MRPL1: variants seen among roughly 807,000 people sequenced by gnomAD.
MRPL1 encodes mitochondrial ribosomal protein L1, also known as large ribosomal subunit protein uL1m.
Under a neutral mutation model 38.0 loss-of-function variants are expected in MRPL1, and 28 were observed. The observed-to-expected ratio is 0.74, with a 90% CI of 0.55 to 1.01. The LOEUF is 1.01. Ranked by LOEUF, MRPL1 falls within the 50% of genes least tolerant of loss-of-function variation. The pLI is 0.00. For missense variants in MRPL1, 358 were observed against 389.8 expected (o/e 0.92, Z 0.69); for synonymous variants, 123 against 126.7 (o/e 0.97, Z 0.20).
At chr4:77,902,402 A>C (rs1426913039) in intron 6 of MRPL1, among the ~76,000 whole-genome samples, 4 of 151,972 alleles carry the variant, frequency 2.6e-5, no homozygotes, top group Non-Finnish European at 4.4e-5. Context: ...AAAAAAAAAA[A>C]AAACCGAGTT....
At chr4:77,887,642 C>T (rs1268327911) in intron 5 of MRPL1, among the ~76,000 whole-genome samples, 1 of 152,040 alleles carries the variant, frequency 6.6e-6, no homozygotes, top group Non-Finnish European at 1.5e-5. Context: ...CCTCCTGCCT[C>T]AGCCTTCTGA....
chr4:77,899,668 T>TA (rs1380225234), intron 6 of MRPL1, among the ~76,000 whole-genome samples: 2 of 152,068 alleles, frequency 1.3e-5, no homozygotes, highest in Admixed American at 6.5e-5. Context: ...TTTCCTTGAT[T>TA]AAAAAAAGAA....
At chr4:77,942,959 T>C (rs932359161) in intron 7 of MRPL1, among the ~76,000 whole-genome samples, 3 of 152,168 alleles carry the variant, frequency 2.0e-5, no homozygotes, top group Non-Finnish European at 4.4e-5. Context: ...TATTATGTCC[T>C]TGTTTTATAG....
intron 2 of MRPL1, among the ~76,000 whole-genome samples, chr4:77,877,494 T>C (rs4859511): frequency 0.76 from 106,034 of 138,614 alleles, 41,506 homozygotes; most frequent in African/African-American, 0.93. Context: ...GCAGCTGTGT[T>C]TCAGTGGCAG....
chr4:77,887,707 T>G (rs1179684227), intron 5 of MRPL1, among the ~76,000 whole-genome samples: 2 of 152,072 alleles, frequency 1.3e-5, no homozygotes, highest in Non-Finnish European at 2.9e-5. Context: ...TTTGTAGAGA[T>G]AGGGTTCTTG....
Position 77,885,259 on chromosome 4 carries a change from A to G in MRPL1, c.406A>G (p.Asn136Asp). The G allele has an allele frequency of 1.2e-6, 2 of 1,611,812 alleles. No individual in the cohort carries two copies. Among genetic ancestry groups the G allele is most frequent in the Non-Finnish European group, 1.7e-6 (2 of 1,177,868 alleles). ...TTTTTCCTTGTCATGTGTTTAGAAA[A>G]ACGTGGAGCCATTTACCAGTGTTCT... is the stretch of plus-strand genomic sequence containing the variant. ...TLDMALGKKK[N>D]VEPFTSVLSL... Residue 136 changes from asparagine (N) to aspartate (D), a missense_variant, in exon 4 of 9, where the codon AAC becomes GAC. Asn to Asp is a conservative substitution (Grantham distance 23, BLOSUM62 1). Coordinates refer to ENST00000315567, the MANE Select transcript of MRPL1 (RefSeq NM_020236.4).
intron 6 of MRPL1, among the ~76,000 whole-genome samples, chr4:77,896,794 C>A (rs1168587616): frequency 6.6e-6 from 1 of 152,096 alleles, no homozygotes; most frequent in East Asian, 1.9e-4. Flanking sequence ...TAATTGCTTA[C>A]ATAACTGTAG....
At chr4:77,930,933 G>C (rs1399508331) in intron 7 of MRPL1, among the ~76,000 whole-genome samples, 1 of 150,954 alleles carries the variant, frequency 6.6e-6, no homozygotes, top group Non-Finnish European at 1.5e-5. Flanking sequence ...TTTTGAAAAG[G>C]GGGAAAGACT....
chr4:77,945,236 T>C (rs529806316), intron 7 of MRPL1, among the ~76,000 whole-genome samples: 5 of 151,544 alleles, frequency 3.3e-5, no homozygotes, highest in African/African-American at 9.7e-5. Flanking sequence ...TGGTTTAGAC[T>C]GTTAGGAGTC....
chr4:77,876,297 C>G (rs1166549265), intron 2 of MRPL1, among the ~76,000 whole-genome samples: 1 of 152,054 alleles, frequency 6.6e-6, no homozygotes, highest in African/African-American at 2.4e-5. Flanking sequence ...CTGGCTTATG[C>G]CTTTTGCCTG....
chr4:77,882,665 C>T (rs1243663588), intron 2 of MRPL1, among the ~76,000 whole-genome samples: 1 of 152,144 alleles, frequency 6.6e-6, no homozygotes, highest in African/African-American at 2.4e-5. Flanking sequence ...ATATTTCATT[C>T]TTTTATTAAT....
chr4:77,871,514 A>C (rs1375830568), intron 1 of MRPL1, among the ~76,000 whole-genome samples: 2 of 151,880 alleles, frequency 1.3e-5, no homozygotes, highest in Non-Finnish European at 2.9e-5. Context: ...CCGTGTTAGC[A>C]AGGATGGTCT....
At chr4:77,890,339 A>G (rs1469738828) in intron 5 of MRPL1, among the ~76,000 whole-genome samples, 5 of 152,224 alleles carry the variant, frequency 3.3e-5, no homozygotes, top group Non-Finnish European at 7.3e-5. Context: ...AACATATGCA[A>G]ATCAATAAAT....
intron 7 of MRPL1, among the ~76,000 whole-genome samples, chr4:77,942,061 GA>G (rs1430810107): frequency 5.9e-5 from 9 of 151,970 alleles, no homozygotes; most frequent in African/African-American, 2.2e-4. Flanking sequence ...CAAAGATTTT[GA>G]TAGGTTGTGT....
intron 7 of MRPL1, among the ~76,000 whole-genome samples, chr4:77,927,992 C>A (rs539316785): frequency 1.3e-5 from 2 of 152,300 alleles, no homozygotes; most frequent in Non-Finnish European, 2.9e-5. Context: ...CTTTGACATA[C>A]TTAATATAAA....
intron 6 of MRPL1, among the ~76,000 whole-genome samples, chr4:77,894,519 A>T (rs1281823674): frequency 6.6e-6 from 1 of 152,110 alleles, no homozygotes; most frequent in African/African-American, 2.4e-5. Flanking sequence ...GGAATGTATT[A>T]TTTACTCAGT....
intron 2 of MRPL1, among the ~76,000 whole-genome samples, chr4:77,882,371 G>C (rs1469850718): frequency 6.6e-6 from 1 of 152,168 alleles, no homozygotes; most frequent in African/African-American, 2.4e-5. Flanking sequence ...AAAGTGTACA[G>C]TTCATTGGTT....
At chr4:77,918,780 C>A (rs1736486878) in intron 7 of MRPL1, among the ~76,000 whole-genome samples, 1 of 151,860 alleles carries the variant, frequency 6.6e-6, no homozygotes, top group African/African-American at 2.4e-5. Context: ...TTGTTATATC[C>A]CCAACTCCTA....
At chr4:77,903,170 C>T (rs1393205041) in intron 6 of MRPL1, among the ~76,000 whole-genome samples, 2 of 152,124 alleles carry the variant, frequency 1.3e-5, no homozygotes, top group Non-Finnish European at 2.9e-5. Flanking sequence ...ACACCTTAAC[C>T]AGTGACATTT....
Sources: allele counts gnomAD v4.1 joint callset (sites outside exome capture counted in the v4.1 genomes callset), GRCh38; gene constraint gnomAD v4.1.1; transcripts MANE v1.5; gene names NCBI Gene and HGNC (gene_info 2026-07-23, HGNC 2026-07-21).